The following UBE2E2 variants were observed in gnomAD, a reference collection of about 807,000 sequenced individuals.
UBE2E2 encodes the protein ubiquitin-conjugating enzyme E2 E2.
Under a neutral mutation model 24.7 loss-of-function variants are expected in UBE2E2, and 6 were observed. The ratio of observed to expected loss-of-function variants is 0.24; its 90% CI spans 0.13 to 0.48. The LOEUF is 0.48. Among genes scored for constraint, UBE2E2 ranks in the 20% least tolerant of loss-of-function variants. The pLI, the probability that UBE2E2 is intolerant of heterozygous loss-of-function variation, is 0.99. For synonymous variants in UBE2E2, 104 were observed against 83.6 expected (o/e 1.24, Z -1.33); for missense variants, 169 against 245.0 (o/e 0.69, Z 2.07).
intron 4 of UBE2E2, among the ~76,000 whole-genome samples, chr3:23,504,821 G>T (rs1230135651): frequency 6.6e-6 from 1 of 151,486 alleles, no homozygotes; most frequent in Non-Finnish European, 1.5e-5. Flanking sequence ...GAAACTAATG[G>T]AATATATTAT....
At chr3:23,243,627 A>G (rs1025473824) in intron 3 of UBE2E2, among the ~76,000 whole-genome samples, 12 of 152,232 alleles carry the variant, frequency 7.9e-5, no homozygotes, top group African/African-American at 2.7e-4. Flanking sequence ...TCTACTGTTC[A>G]GCCATAATCA....
At chr3:23,488,116 G>T (rs945375800) in intron 3 of UBE2E2, among the ~76,000 whole-genome samples, 4 of 151,660 alleles carry the variant, frequency 2.6e-5, no homozygotes, top group Admixed American at 2.0e-4. Context: ...CAGCCAAAGA[G>T]AAGTATATTG....
At chr3:23,378,867 C>G (rs1696589157) in intron 3 of UBE2E2, among the ~76,000 whole-genome samples, 1 of 152,054 alleles carries the variant, frequency 6.6e-6, no homozygotes, top group African/African-American at 2.4e-5. Flanking sequence ...GTTTGGCCTA[C>G]CTAATTTTTA....
At chr3:23,426,671 A>G (rs982091052) in intron 3 of UBE2E2, among the ~76,000 whole-genome samples, 2 of 152,158 alleles carry the variant, frequency 1.3e-5, no homozygotes, top group African/African-American at 4.8e-5. Context: ...AAGAGGTAAG[A>G]CTTTCTAGCT....
chr3:23,371,286 C>G (rs983185201), intron 3 of UBE2E2, among the ~76,000 whole-genome samples: 2 of 152,148 alleles, frequency 1.3e-5, no homozygotes, highest in African/African-American at 4.8e-5. Flanking sequence ...CCACCTCAGC[C>G]TCCCAAAATG....
At chr3:23,476,094 G>A (rs982696066) in intron 3 of UBE2E2, among the ~76,000 whole-genome samples, 1 of 152,066 alleles carries the variant, frequency 6.6e-6, no homozygotes, top group African/African-American at 2.4e-5. Flanking sequence ...GTTCTGCATT[G>A]TCTAAGTGAC....
chr3:23,502,869 G>A (rs922020010), intron 4 of UBE2E2, among the ~76,000 whole-genome samples: 15 of 152,112 alleles, frequency 9.9e-5, no homozygotes, highest in African/African-American at 2.9e-4. Context: ...AGTAGGTAAG[G>A]CATTTTACAT....
chr3:23,577,697 T>G (rs1017117592), intron 5 of UBE2E2, among the ~76,000 whole-genome samples: 4 of 152,224 alleles, frequency 2.6e-5, no homozygotes, highest in Non-Finnish European at 5.9e-5. Context: ...AAACAGATTT[T>G]CATTGTAGAT....
In UBE2E2 at chr3:23,532,681, T is replaced by G; in HGVS notation, c.488T>G (p.Leu163Arg). Residue 163 changes from leucine (L) to arginine (R), a missense_variant, in exon 5 of 6, where the codon CTT becomes CGT. Transcript: ENST00000396703. ...AAAGTTCTCCTCTCCATCTGCTCAC[T>G]TCTTACAGATTGCAACCCTGGTAAG... ...ISKVLLSICS[L>R]LTDCNPADPL... The G allele has an allele frequency of 6.5e-7, 1 of 1,548,002 alleles. No individual in the cohort carries two copies. Among genetic ancestry groups the G allele is most frequent in the Non-Finnish European group, 8.8e-7 (1 of 1,134,344 alleles).
rs556315225 is a variant in UBE2E2, at chr3:23,425,522, T to C, written c.228-74086T>C. On this transcript the variant is annotated intron_variant, in intron 3 of 5. Coordinates refer to ENST00000396703, the MANE Select transcript of UBE2E2 (RefSeq NM_152653.4). ...GAACAAACTGAAAAATTAACAGTTC[T>C]TCTTAGATCTGTTATAGAAGCAAGG... is the stretch of plus-strand genomic sequence containing the variant. 2.6e-5 allele frequency among the ~76,000 whole-genome samples: 4 copies of C among 152,292 alleles called. No homozygotes were observed. In the South Asian group the frequency reaches 8.3e-4, roughly 32 times the overall value.
intron 3 of UBE2E2, chr3:23,271,186 G>A (rs1698231012): frequency 2.5e-6 from 1 of 399,712 alleles, no homozygotes; most frequent in African/African-American, 2.1e-5. Context: ...TGGGTTCTTG[G>A]TCTCGCTGAC....
intron 3 of UBE2E2, among the ~76,000 whole-genome samples, chr3:23,395,271 T>C (rs1173532121): frequency 5.3e-5 from 8 of 152,198 alleles, no homozygotes; most frequent in Admixed American, 2.6e-4. Context: ...AGTAAAGTCA[T>C]TTCCGGATAC....
At chr3:23,584,589 C>G (rs1175529835) in intron 5 of UBE2E2, among the ~76,000 whole-genome samples, 1 of 151,306 alleles carries the variant, frequency 6.6e-6, no homozygotes, top group East Asian at 1.9e-4. Flanking sequence ...CGGTCTCGCT[C>G]TTTCGCCCAG....
intron 5 of UBE2E2, among the ~76,000 whole-genome samples, chr3:23,538,813 C>A (rs1695322986): frequency 6.6e-6 from 1 of 152,012 alleles, no homozygotes; most frequent in African/African-American, 2.4e-5. Flanking sequence ...TACCTTGACC[C>A]CTACATATTT....
intron 3 of UBE2E2, among the ~76,000 whole-genome samples, chr3:23,285,300 C>A (rs555903959): frequency 1.3e-5 from 2 of 152,250 alleles, no homozygotes; most frequent in East Asian, 3.9e-4. Context: ...TAGGTTGCTT[C>A]CAAATCTTTG....
intron 5 of UBE2E2, among the ~76,000 whole-genome samples, chr3:23,567,110 A>T (rs1696093146): frequency 1.3e-5 from 2 of 152,206 alleles, no homozygotes; most frequent in Admixed American, 6.5e-5. Flanking sequence ...CAGTGGGTTA[A>T]TGCTTCTATA....
chr3:23,435,651 G>T (rs1051212577), intron 3 of UBE2E2, among the ~76,000 whole-genome samples: 7 of 152,184 alleles, frequency 4.6e-5, no homozygotes, highest in African/African-American at 9.7e-5. Flanking sequence ...GAGGGTGGGG[G>T]TATCCCCTGG....
intron 2 of UBE2E2, among the ~76,000 whole-genome samples, chr3:23,214,590 A>T (rs539255109): frequency 7.5e-4 from 112 of 149,258 alleles, no homozygotes; most frequent in Non-Finnish European, 1.4e-3. Context: ...TTTTTTTTTT[A>T]AACCTAAAGG....
intron 3 of UBE2E2, among the ~76,000 whole-genome samples, chr3:23,329,259 A>C (rs752532661): frequency 1.3e-5 from 2 of 152,324 alleles, no homozygotes; most frequent in Admixed American, 1.3e-4. Context: ...AACACAAGCA[A>C]GGCTCCCTCT....
Sources: gnomAD v4.1 joint callset for allele counts (sites outside exome capture counted in the v4.1 genomes callset) on GRCh38, gnomAD v4.1.1 for gene constraint, MANE v1.5 for transcripts, NCBI Gene and HGNC (gene_info 2026-07-23, HGNC 2026-07-21) for gene names.